The following TNPO3 variants were observed in gnomAD, a reference collection of about 807,000 sequenced individuals.
TNPO3 encodes the protein transportin-3.
In TNPO3, 65 loss-of-function variants were observed where a neutral mutation model predicts 122.8. The observed-to-expected ratio is 0.53, with a 90% CI of 0.43 to 0.65. TNPO3 has a LOEUF of 0.65. Among genes scored for constraint, TNPO3 ranks in the 30% least tolerant of loss-of-function variants. The pLI, the probability that TNPO3 is intolerant of heterozygous loss-of-function variation, is 0.00. For synonymous variants in TNPO3, 372 were observed against 411.2 expected, an observed-to-expected ratio of 0.90 and a Z score of 1.15; for missense variants, 850 against 1,136.7, an observed-to-expected ratio of 0.75 and a Z score of 3.63.
chr7:129,026,435 T>C (rs1237203361), intron 1 of TNPO3, among the ~76,000 whole-genome samples: 1 of 143,098 alleles, frequency 7.0e-6, no homozygotes, highest in African/African-American at 2.7e-5. Context: ...GGAGTTTTGC[T>C]CTTGTTGGCC....
intron 1 of TNPO3, among the ~76,000 whole-genome samples, chr7:129,031,090 G>C (rs1011165485): frequency 2.6e-5 from 4 of 152,136 alleles, no homozygotes; most frequent in Middle Eastern, 3.2e-3. Flanking sequence ...TTCAAGACCA[G>C]CCTGGCCAAC....
intron 5 of TNPO3, among the ~76,000 whole-genome samples, chr7:129,003,039 CA>C (rs56226072): frequency 0.11 from 5,821 of 52,770 alleles, 98 homozygotes; most frequent in Non-Finnish European, 0.14. Context: ...GACTCCCTCT[CA>C]AAAAAAAAAA....
At chr7:128,994,017 C>T in intron 8 of TNPO3, 103 bp from the exon 9 acceptor site, 1 of 1,061,710 alleles carries the variant, frequency 9.4e-7, no homozygotes, top group South Asian at 1.6e-5. Flanking sequence ...AGTCAAGTTT[C>T]AATGAACAAA....
rs1804048768 is a variant in TNPO3, at chr7:129,018,096, T to C, written c.182A>G (p.Tyr61Cys). The change falls in exon 2 of 23, where the codon TAT (tyrosine) becomes TGT (cysteine). Residue 61 changes from tyrosine to cysteine, a missense_variant. Tyr to Cys is a radical substitution (Grantham distance 194). Transcript: ENST00000265388. ...CATTTTCATGGTCTGTGCAGCAAAA[T>C]AGCATGACTCCACATCCTGCCGGAT... ...LQIRQDVESC[Y>C]FAAQTMKMKI... 1 of 1,614,132 alleles carries C rather than the reference T, an allele frequency of 6.2e-7. No homozygotes were observed. Among genetic ancestry groups the C allele is most frequent in the Non-Finnish European group, 8.5e-7 (1 of 1,180,016 alleles).
At chr7:128,988,891 C>T (rs1800456008) in intron 11 of TNPO3, among the ~76,000 whole-genome samples, 1 of 152,168 alleles carries the variant, frequency 6.6e-6, no homozygotes, top group East Asian at 1.9e-4. Context: ...CCAGCCTGCC[C>T]AACATAGCGA....
At chr7:129,034,212 T>A (rs1806291929) in intron 1 of TNPO3, among the ~76,000 whole-genome samples, 1 of 152,134 alleles carries the variant, frequency 6.6e-6, no homozygotes, top group South Asian at 2.1e-4. Context: ...GTACCTAAAG[T>A]AGCAAGACTC....
rs528721447 is a variant in TNPO3 at position 129,042,067 on chromosome 7, T to C, written c.120+12584A>G. 3.9e-5 allele frequency among the ~76,000 whole-genome samples: 6 copies of C among 152,240 alleles called. No individual in the cohort carries two copies. In the South Asian group the frequency reaches 1.2e-3, roughly 32 times the overall value. ...ACCCAGACAGGCGCCTAAGGACTCA[T>C]TAGCTGCCAAGAATTAGAAGCAGAT... On this transcript the variant is annotated intron_variant, in intron 1 of 22. Transcript: ENST00000265388.
chr7:129,000,506 A>C lies in TNPO3; in HGVS notation c.934T>G (p.Cys312Gly). 1 of 1,614,168 alleles carries C rather than the reference A, an allele frequency of 6.2e-7. No homozygotes were observed. The highest frequency in any genetic ancestry group is 8.5e-7 in the Non-Finnish European group (1 of 1,180,016). Residue 312 changes from cysteine to glycine, a missense_variant, in exon 7 of 23, where the codon TGT becomes GGT. Cys to Gly is a radical substitution (Grantham distance 159). Transcript: ENST00000265388. ...TCCCCAAGACCTTGGCCTGGAGTAC[A>C]AACAATTTTTTCAAGAAAAGTTTCA... is the stretch of plus-strand genomic sequence containing the variant. ...LCETFLEKIV[C>G]TPGQGLGDLR... is the part of the protein sequence containing the mutation.
At chr7:129,023,489 A>C (rs1487630782) in intron 1 of TNPO3, among the ~76,000 whole-genome samples, 2 of 152,144 alleles carry the variant, frequency 1.3e-5, no homozygotes, top group East Asian at 1.9e-4. Flanking sequence ...CTTTAAATTC[A>C]ATTTCCCACT....
chr7:128,967,239 C>T, intron 21 of TNPO3, 41 bp downstream of exon 21: 1 of 1,225,558 alleles, frequency 8.2e-7, no homozygotes. Flanking sequence ...ATGTTTCTTC[C>T]CACATCCCAC....
Position 129,024,923 on chromosome 7 carries a change from C to G in TNPO3, c.121-6766G>C, listed in dbSNP as rs191752517. On this transcript the variant is annotated intron_variant, in intron 1 of 22. Transcript: ENST00000265388. ...AGGCTGAGGGGAAGGATCCCTTGAGCCCAGGAGTTTAAGGCTGCAGTGAGC... is the reference window on the plus strand; with the variant it reads ...AGGCTGAGGGGAAGGATCCCTTGAGGCCAGGAGTTTAAGGCTGCAGTGAGC... Among the ~76,000 whole-genome samples the G allele has an allele frequency of 7.2e-3, 1,089 of 151,328 alleles. 19 individuals carry two copies. The highest frequency in any genetic ancestry group is 0.025 in the African/African-American group (1,025 of 41,198).
In TNPO3 at chr7:128,986,795, G is replaced by C. The variant is rs1231897402; in HGVS notation, c.1624C>G (p.Leu542Val). The change falls in exon 12 of 23, where the codon CTG becomes GTG. Residue 542 changes from leucine to valine, a missense_variant. By Grantham distance (32) the Leu-to-Val change is conservative (BLOSUM62 1). Coordinates refer to ENST00000265388, the MANE Select transcript of TNPO3 (RefSeq NM_012470.4). The part of the protein sequence containing the change: ...DHMAQHFNGL[L>V]EIARSLDSFL... Reference sequence around the variant, plus strand: ...GAATCGAGGGAGCGGGCAATCTCCAGGAGTCCATTAAAGTGCTGAGCCATG... The same window carrying C: ...GAATCGAGGGAGCGGGCAATCTCCACGAGTCCATTAAAGTGCTGAGCCATG... The C allele has an allele frequency of 6.2e-7, 1 of 1,614,146 alleles. No individual in the cohort carries two copies. The highest frequency in any genetic ancestry group is 8.5e-7 in the Non-Finnish European group (1 of 1,180,008).
chr7:128,989,193 A>C (rs753321860), intron 11 of TNPO3, among the ~76,000 whole-genome samples: 2 of 152,254 alleles, frequency 1.3e-5, no homozygotes, highest in African/African-American at 2.4e-5. Context: ...CATGTGTTTC[A>C]GTCACTAAAA....
chr7:128,978,223 T>C (rs1167601310), intron 16 of TNPO3, among the ~76,000 whole-genome samples: 1 of 152,260 alleles, frequency 6.6e-6, no homozygotes, highest in Non-Finnish European at 1.5e-5. Flanking sequence ...AATATGATTT[T>C]AGAGAACATC....
In TNPO3 at chr7:129,054,814, C is replaced by A; in HGVS notation, c.-44G>T. 1.2e-6 allele frequency: 2 copies of A among 1,612,582 alleles called. No homozygotes were observed. Among genetic ancestry groups the A allele is most frequent in the Non-Finnish European group, 1.7e-6 (2 of 1,179,308 alleles). On this transcript the variant is annotated 5_prime_UTR_variant, in exon 1 of 23. Coordinates refer to ENST00000265388, the MANE Select transcript of TNPO3 (RefSeq NM_012470.4). The stretch of plus-strand genomic sequence containing the variant: ...GGTAGCGACGGCTCTGATTCTTCTC[C>A]GGAGGATTCCTCGGTTGCTCCGCCT...
intron 18 of TNPO3, among the ~76,000 whole-genome samples, chr7:128,973,836 G>A (rs10247007): frequency 1 from 126,255 of 126,436 alleles, 63,037 homozygotes; most frequent in Admixed American, 1. Context: ...GAAAAAAAAA[G>A]GGTTTTTCTA....
intron 18 of TNPO3, 43 bp from the exon 19 acceptor site, chr7:128,972,625 C>A (rs1184729487): frequency 6.3e-7 from 1 of 1,580,526 alleles, no homozygotes; most frequent in Admixed American, 1.8e-5. Context: ...CAAGATTAGG[C>A]TATAAAAGCA....
intron 3 of TNPO3, among the ~76,000 whole-genome samples, chr7:129,016,733 A>T (rs1248465741): frequency 6.6e-6 from 1 of 152,264 alleles, no homozygotes; most frequent in African/African-American, 2.4e-5. Flanking sequence ...AAGGCAATAA[A>T]AGACTTTGCT....
chr7:129,036,032 T>C (rs1469190952), intron 1 of TNPO3, among the ~76,000 whole-genome samples: 2 of 150,420 alleles, frequency 1.3e-5, no homozygotes, highest in Admixed American at 6.7e-5. Context: ...CAGCTCACTG[T>C]AATCACCGCC....
Sources: allele counts gnomAD v4.1 joint callset (sites outside exome capture counted in the v4.1 genomes callset), GRCh38; gene constraint gnomAD v4.1.1; transcripts MANE v1.5; gene names NCBI Gene and HGNC (gene_info 2026-07-23, HGNC 2026-07-21).